The following SOX5 variants were observed in gnomAD, a reference collection of about 807,000 sequenced individuals.
SOX5 encodes the protein transcription factor SOX-5.
A neutral mutation model predicts 92.0 loss-of-function variants in SOX5; 9 were observed. The ratio of observed to expected loss-of-function variants is 0.10; its 90% CI spans 0.06 to 0.17. The LOEUF (loss-of-function observed/expected upper bound fraction) is 0.17. SOX5 is among the 10% of genes least tolerant of loss of function. SOX5 has a pLI of 1.00. For missense variants in SOX5, 642 were observed against 944.5 expected (o/e 0.68, Z 4.20); for synonymous variants, 344 against 336.3 (o/e 1.02, Z -0.25).
At chr12:23,993,064 T>A (rs1950709978) in intron 4 of SOX5, among the ~76,000 whole-genome samples, 1 of 152,194 alleles carries the variant, frequency 6.6e-6, no homozygotes, top group Non-Finnish European at 1.5e-5. Context: ...CTCAAAAATT[T>A]ACTTCATCCT....
At chr12:23,875,537 G>A (rs190184285) in intron 2 of SOX5, among the ~76,000 whole-genome samples, 1 of 152,006 alleles carries the variant, frequency 6.6e-6, no homozygotes, top group Admixed American at 6.6e-5. Flanking sequence ...AGAAAGGAGG[G>A]GAAGAAAGAG....
chr12:23,696,603 T>C (rs1364070219), intron 6 of SOX5, among the ~76,000 whole-genome samples: 1 of 152,128 alleles, frequency 6.6e-6, no homozygotes, highest in African/African-American at 2.4e-5. Context: ...CATTTCTATT[T>C]TTACTACTCT....
At chr12:24,178,125 T>C (rs1183470346) in intron 4 of SOX5, among the ~76,000 whole-genome samples, 1 of 152,082 alleles carries the variant, frequency 6.6e-6, no homozygotes, top group East Asian at 1.9e-4. Flanking sequence ...GGAACCACAG[T>C]AACAAAGTTT....
intron 4 of SOX5, among the ~76,000 whole-genome samples, chr12:23,745,234 T>C (rs1010121220): frequency 6.6e-6 from 1 of 152,188 alleles, no homozygotes; most frequent in African/African-American, 2.4e-5. Context: ...ACTTTTTCCA[T>C]CCTGCCTTCT....
chr12:24,429,272 G>A (rs1270517226), intron 1 of SOX5, among the ~76,000 whole-genome samples: 3 of 151,964 alleles, frequency 2.0e-5, no homozygotes, highest in African/African-American at 4.8e-5. Flanking sequence ...AGCCAAGACT[G>A]CCCCACTGCA....
At chr12:23,792,662 A>AAAAAAAAAC (rs2095497207) in intron 3 of SOX5, among the ~76,000 whole-genome samples, 1 of 123,880 alleles carries the variant, frequency 8.1e-6, no homozygotes, top group Non-Finnish European at 1.7e-5. Flanking sequence ...AAAAAAAAAA[A>AAAAAAAAAC]CTTGGACAAA....
intron 4 of SOX5, among the ~76,000 whole-genome samples, chr12:23,976,406 C>CAAAAAAAAAAAAAAAAA (rs869250917): frequency 7.9e-5 from 3 of 37,870 alleles, no homozygotes; most frequent in African/African-American, 2.6e-4. Flanking sequence ...AACAAAAAAA[C>CAAAAAAAAAAAAAAAAA]AAAAAAAAAA....
At chr12:23,891,114 A>G (rs2097126221) in intron 2 of SOX5, among the ~76,000 whole-genome samples, 1 of 152,228 alleles carries the variant, frequency 6.6e-6, no homozygotes, top group Non-Finnish European at 1.5e-5. Flanking sequence ...ATATGTATAT[A>G]GTGTGCTTAA....
At chr12:23,655,293 G>A (rs1654272402) in intron 7 of SOX5, among the ~76,000 whole-genome samples, 1 of 151,912 alleles carries the variant, frequency 6.6e-6, no homozygotes, top group Non-Finnish European at 1.5e-5. Context: ...GACTGCTAAG[G>A]CATCATTTAA....
chr12:24,170,864 A>T (rs913448085), intron 4 of SOX5, among the ~76,000 whole-genome samples: 6 of 152,200 alleles, frequency 3.9e-5, no homozygotes, highest in Non-Finnish European at 5.9e-5. Flanking sequence ...ACCTACCTAC[A>T]CTACTTCATC....
At chr12:23,907,885 G>A (rs762932391) in intron 1 of SOX5, among the ~76,000 whole-genome samples, 1 of 151,964 alleles carries the variant, frequency 6.6e-6, no homozygotes, top group Non-Finnish European at 1.5e-5. Context: ...TACTGCAATC[G>A]CAGAACTGCA....
chr12:24,162,556 A>C lies in SOX5; in HGVS notation c.-2+50787T>G, dbSNP rs183151705. On this transcript the variant is annotated intron_variant, in intron 4 of 4. Transcript: ENST00000446891. ...ACTTAACAACTTATTTTCTCAAAGT[A>C]ACTGTAAACCACCATATTCTGTATT... Among the ~76,000 whole-genome samples the C allele has an allele frequency of 8.9e-4, 135 of 152,268 alleles. 1 individual carries two copies. Among genetic ancestry groups the C allele is most frequent in the African/African-American group, 3.2e-3 (131 of 41,568 alleles).
chr12:23,960,417 GA>G (rs1946758967), intron 4 of SOX5, among the ~76,000 whole-genome samples: 1 of 148,448 alleles, frequency 6.7e-6, no homozygotes, highest in South Asian at 2.1e-4. Flanking sequence ...ATTTATGTTA[GA>G]AATATGCTTT....
intron 4 of SOX5, among the ~76,000 whole-genome samples, chr12:24,191,283 A>C (rs1956497275): frequency 6.6e-6 from 1 of 152,186 alleles, no homozygotes; most frequent in Admixed American, 6.6e-5. Flanking sequence ...AGTGTCAATA[A>C]CTTAATTTTA....
intron 3 of SOX5, among the ~76,000 whole-genome samples, chr12:23,781,624 A>C (rs2095281383): frequency 6.6e-6 from 1 of 152,026 alleles, no homozygotes; most frequent in Admixed American, 6.6e-5. Context: ...AAGAAAATTT[A>C]ACACTTTAAG....
chr12:24,232,743 T>C lies in SOX5; in HGVS notation c.-76-19326A>G, dbSNP rs553622898. The stretch of plus-strand genomic sequence containing the variant: ...GCAATAGCTTTGAGAAGTACCTGCA[T>C]ACCACTCACTGTGTTGGTATTCTGT... On this transcript the variant is annotated intron_variant, in intron 3 of 4. Transcript: ENST00000446891. Among the ~76,000 whole-genome samples, 68 of 152,338 alleles carry C rather than the reference T, an allele frequency of 4.5e-4. No homozygotes were observed. In the South Asian group the frequency reaches 0.012, roughly 26 times the overall value.
chr12:24,539,071 T>C (rs919018617), intron 1 of SOX5, among the ~76,000 whole-genome samples: 10 of 152,146 alleles, frequency 6.6e-5, no homozygotes, highest in Non-Finnish European at 1.5e-4. Context: ...ATGTTCAGTA[T>C]GATTTAGTCC....
At chr12:23,743,733 C>A (rs189893407) in intron 4 of SOX5, among the ~76,000 whole-genome samples, 4 of 152,240 alleles carry the variant, frequency 2.6e-5, no homozygotes, top group African/African-American at 9.6e-5. Context: ...GTTGGTCCTG[C>A]AAAACCCACT....
chr12:24,135,083 G>T (rs1259426199), intron 4 of SOX5, among the ~76,000 whole-genome samples: 1 of 152,144 alleles, frequency 6.6e-6, no homozygotes, highest in Non-Finnish European at 1.5e-5. Flanking sequence ...CCAAGGCCAT[G>T]CAGGAATTAC....
Sources: gnomAD v4.1 joint callset for allele counts (sites outside exome capture counted in the v4.1 genomes callset) on GRCh38, gnomAD v4.1.1 for gene constraint, MANE v1.5 for transcripts, NCBI Gene and HGNC (gene_info 2026-07-23, HGNC 2026-07-21) for gene names.